SPAG16: variants seen among roughly 807,000 people sequenced by gnomAD.
SPAG16 encodes the protein sperm-associated antigen 16 protein.
SPAG16 carries 86 observed loss-of-function variants against 80.4 expected under a neutral mutation model. The observed-to-expected ratio is 1.07, with a 90% CI of 0.90 to 1.28. SPAG16 has a LOEUF of 1.28. Ranked by LOEUF, SPAG16 falls within the 50% of genes most tolerant of loss-of-function variation. The pLI, the probability that SPAG16 is intolerant of heterozygous loss-of-function variation, is 0.00. For missense variants in SPAG16, 870 were observed against 765.3 expected (o/e 1.14, Z -1.61); for synonymous variants, 294 against 265.9 (o/e 1.11, Z -1.03).
At chr2:213,605,666 T>G (rs1574468536) in intron 10 of SPAG16, among the ~76,000 whole-genome samples, 1 of 151,998 alleles carries the variant, frequency 6.6e-6, no homozygotes, top group Admixed American at 6.6e-5. Context: ...ATTTTTTATG[T>G]TTTTAGCAGA....
chr2:213,284,534 G>T lies in SPAG16; in HGVS notation c.51G>T (p.Glu17Asp). The change falls in exon 1 of 16, where the codon GAG becomes GAT. Residue 17 changes from glutamate (E) to aspartate (D), a missense_variant. Glu to Asp is a conservative substitution (Grantham distance 45). Transcript: ENST00000331683. The part of the protein sequence containing the change: ...MPSSAVRVLE[E>D]ALGMGLTAAG... ...GCTCCGCCGTGAGGGTCCTGGAAGA[G>T]GCGTTGGGCATGGGTTTGACGGCAG... is the stretch of plus-strand genomic sequence containing the variant. The T allele has an allele frequency of 6.2e-7, 1 of 1,600,298 alleles. No individual in the cohort carries two copies. The highest frequency in any genetic ancestry group is 8.5e-7 in the Non-Finnish European group (1 of 1,173,834).
intron 15 of SPAG16, among the ~76,000 whole-genome samples, chr2:214,320,448 T>A (rs1449211026): frequency 3.7e-4 from 57 of 152,326 alleles, no homozygotes; most frequent in Non-Finnish European, 1.2e-4. Flanking sequence ...CATATTCTTG[T>A]AAGCCCCAAG....
At chr2:214,051,792 C>T (rs570424851) in intron 13 of SPAG16, among the ~76,000 whole-genome samples, 1 of 152,226 alleles carries the variant, frequency 6.6e-6, no homozygotes, top group Admixed American at 6.5e-5. Context: ...CAATGATCAG[C>T]CTTAATGGTT....
chr2:213,976,109 G>GATATATATATATATAT (rs1553685173), intron 12 of SPAG16, among the ~76,000 whole-genome samples: 23 of 121,492 alleles, frequency 1.9e-4, no homozygotes, highest in East Asian at 7.4e-4. Context: ...CAGTGAGGGA[G>GATATATATATATATAT]ATATATATAT....
At chr2:213,293,881 A>G (rs528071833) in intron 1 of SPAG16, among the ~76,000 whole-genome samples, 4 of 152,306 alleles carry the variant, frequency 2.6e-5, no homozygotes, top group African/African-American at 4.8e-5. Flanking sequence ...CACCCAAGCT[A>G]ATTAACCTAT....
chr2:213,409,047 AGTG>A (rs1474106075), intron 9 of SPAG16, among the ~76,000 whole-genome samples: 1 of 151,896 alleles, frequency 6.6e-6, no homozygotes, highest in Non-Finnish European at 1.5e-5. Context: ...GAAAAAAAAA[AGTG>A]GGGTGGGAGA....
At chr2:214,053,658 T>C (rs770183841) in intron 13 of SPAG16, among the ~76,000 whole-genome samples, 69 of 152,148 alleles carry the variant, frequency 4.5e-4, no homozygotes, top group Admixed American at 1.2e-3. Flanking sequence ...ACACAAATTA[T>C]CAGGAGTCAA....
intron 10 of SPAG16, among the ~76,000 whole-genome samples, chr2:213,510,676 G>C (rs1189334441): frequency 6.6e-6 from 1 of 152,096 alleles, no homozygotes; most frequent in Non-Finnish European, 1.5e-5. Flanking sequence ...CCTTTGTATT[G>C]ATAACTGGAC....
At chr2:214,203,979 A>G (rs1446951886) in intron 15 of SPAG16, among the ~76,000 whole-genome samples, 2 of 152,206 alleles carry the variant, frequency 1.3e-5, no homozygotes, top group East Asian at 1.9e-4. Context: ...CAAACTCAGT[A>G]CCGTTGTGGG....
At chr2:213,344,580 C>G (rs1314471916) in intron 6 of SPAG16, among the ~76,000 whole-genome samples, 1 of 152,122 alleles carries the variant, frequency 6.6e-6, no homozygotes, top group African/African-American at 2.4e-5. Flanking sequence ...CTTCCTGTGT[C>G]CATGTGTTCT....
At chr2:214,122,609 A>G (rs1273663526) in intron 14 of SPAG16, among the ~76,000 whole-genome samples, 2 of 151,910 alleles carry the variant, frequency 1.3e-5, no homozygotes, top group Non-Finnish European at 1.5e-5. Flanking sequence ...TAGGTCATAC[A>G]GTGATTGATC....
At chr2:214,178,011 A>ATATT (rs1310982087) in intron 15 of SPAG16, among the ~76,000 whole-genome samples, 4 of 45,872 alleles carry the variant, frequency 8.7e-5, no homozygotes, top group African/African-American at 1.7e-4. Context: ...ATATATATAT[A>ATATT]TTCATACTTT....
At chr2:214,053,879 A>G (rs986420857) in intron 13 of SPAG16, among the ~76,000 whole-genome samples, 1 of 152,220 alleles carries the variant, frequency 6.6e-6, no homozygotes, top group Admixed American at 6.5e-5. Context: ...CAAACTCTGG[A>G]TTCTACCAAT....
At chr2:214,025,404 T>C (rs1024251132) in intron 13 of SPAG16, among the ~76,000 whole-genome samples, 2 of 151,700 alleles carry the variant, frequency 1.3e-5, no homozygotes, top group African/African-American at 4.8e-5. Context: ...CTTCAACATA[T>C]AGAAATTACT....
chr2:213,826,412 A>G (rs2073305297), intron 10 of SPAG16, among the ~76,000 whole-genome samples: 1 of 151,836 alleles, frequency 6.6e-6, no homozygotes, highest in Non-Finnish European at 1.5e-5. Context: ...TGTTTTCACT[A>G]TATTCCATAC....
At chr2:213,643,725 G>A (rs1395340905) in intron 10 of SPAG16, among the ~76,000 whole-genome samples, 4 of 138,416 alleles carry the variant, frequency 2.9e-5, no homozygotes, top group Non-Finnish European at 4.6e-5. Flanking sequence ...TGTGTCTTAC[G>A]ATTGTGTGTT....
intron 10 of SPAG16, among the ~76,000 whole-genome samples, chr2:213,649,790 A>G (rs1022626695): frequency 6.6e-6 from 1 of 152,116 alleles, no homozygotes; most frequent in African/African-American, 2.4e-5. Flanking sequence ...TTGGTTGCCC[A>G]GGCTGGTCAC....
At chr2:214,287,410 C>T (rs925617079) in intron 15 of SPAG16, among the ~76,000 whole-genome samples, 1 of 152,164 alleles carries the variant, frequency 6.6e-6, no homozygotes, top group Non-Finnish European at 1.5e-5. Context: ...GATATATTGA[C>T]ATTTTTAAAG....
intron 15 of SPAG16, among the ~76,000 whole-genome samples, chr2:214,278,526 G>A (rs10207486): frequency 0.62 from 94,786 of 152,002 alleles, 29,904 homozygotes; most frequent in South Asian, 0.7. Flanking sequence ...GTATCATACA[G>A]TGGTATATTT....
Sources: gnomAD v4.1 joint callset for allele counts (sites outside exome capture counted in the v4.1 genomes callset) on GRCh38, gnomAD v4.1.1 for gene constraint, MANE v1.5 for transcripts, NCBI Gene and HGNC (gene_info 2026-07-23, HGNC 2026-07-21) for gene names.